Variants in NUP54 observed in about 807,000 individuals in gnomAD.
The protein encoded by NUP54 is nucleoporin p54.
NUP54 carries 27 observed loss-of-function variants against 66.4 expected under a neutral mutation model. That is an observed-to-expected ratio of 0.41 (90% confidence interval 0.30 to 0.56). The LOEUF (loss-of-function observed/expected upper bound fraction) is 0.56, where lower values mean the gene tolerates loss of function less well. NUP54 is among the 20% of genes least tolerant of loss of function. The pLI, the probability that NUP54 is intolerant of heterozygous loss-of-function variation, is 0.34. For synonymous variants in NUP54, 206 were observed against 210.7 expected, an observed-to-expected ratio of 0.98 and a Z score of 0.19; for missense variants, 486 against 596.3, an observed-to-expected ratio of 0.82 and a Z score of 1.93.
At chr4:76,128,583 A>G (rs796824759) in intron 8 of NUP54, among the ~76,000 whole-genome samples, 5 of 152,342 alleles carry the variant, frequency 3.3e-5, no homozygotes, top group African/African-American at 1.2e-4. Flanking sequence ...GGACAAAGGT[A>G]TGCCATACAA....
intron 8 of NUP54, among the ~76,000 whole-genome samples, chr4:76,129,680 ACG>A (rs1730695303): frequency 6.6e-6 from 1 of 151,976 alleles, no homozygotes. Context: ...CCTGGTTAAC[ACG>A]GTGAAACCCC....
intron 1 of NUP54, chr4:76,147,840 C>G (rs917667061): frequency 1.7e-5 from 6 of 343,906 alleles, no homozygotes; most frequent in South Asian, 1.5e-4. Context: ...AACCCCACAG[C>G]GAGGACCACA....
At chr4:76,145,153 C>T (rs893792920) in intron 1 of NUP54, among the ~76,000 whole-genome samples, 14 of 151,744 alleles carry the variant, frequency 9.2e-5, no homozygotes, top group South Asian at 4.2e-4. Flanking sequence ...CCCGTGTCTA[C>T]TAAAAATACA....
At chr4:76,125,119 G>A (rs368543474) in intron 8 of NUP54, among the ~76,000 whole-genome samples, 26 of 150,322 alleles carry the variant, frequency 1.7e-4, no homozygotes, top group Admixed American at 2.7e-4. Context: ...GTGAAACCCC[G>A]TCTCTACTAA....
At chr4:76,134,673 A>G (rs1294336508) in intron 4 of NUP54, among the ~76,000 whole-genome samples, 1 of 152,162 alleles carries the variant, frequency 6.6e-6, no homozygotes, top group African/African-American at 2.4e-5. Flanking sequence ...AACCATCTGC[A>G]TGTCATTATA....
At chr4:76,133,981 G>T (rs554498831) in intron 5 of NUP54, among the ~76,000 whole-genome samples, 194 bp downstream of exon 5, 81 of 152,078 alleles carry the variant, frequency 5.3e-4, no homozygotes, top group African/African-American at 1.9e-3. Context: ...TTAGCATCTA[G>T]TAAGTTAAAA....
In NUP54 at chr4:76,115,349, C is replaced by T. The variant is rs542856752; in HGVS notation, c.*17G>A. On this transcript the variant is annotated 3_prime_UTR_variant, in exon 12 of 12. Transcript: ENST00000264883. Reference sequence around the variant, plus strand: ...AGAAGATGCATTTCACAAACCTTTACACAAGTTTGTGAACTGTCAACTAAA... The same window carrying T: ...AGAAGATGCATTTCACAAACCTTTATACAAGTTTGTGAACTGTCAACTAAA... 5.7e-6 allele frequency: 9 copies of T among 1,567,950 alleles called. No homozygotes were observed. The Admixed American group carries it at 1.6e-4, about 27-fold the overall frequency.
intron 8 of NUP54, among the ~76,000 whole-genome samples, chr4:76,128,271 C>A (rs1426515644): frequency 6.6e-6 from 1 of 151,954 alleles, no homozygotes; most frequent in African/African-American, 2.4e-5. Flanking sequence ...CTGTAGTACT[C>A]CCCAACCAAG....
At chr4:76,143,576 C>T (rs901353634) in intron 3 of NUP54, among the ~76,000 whole-genome samples, 3 of 152,060 alleles carry the variant, frequency 2.0e-5, no homozygotes, top group Non-Finnish European at 4.4e-5. Flanking sequence ...TGCACTCCAG[C>T]CTGGGCGACA....
intron 3 of NUP54, among the ~76,000 whole-genome samples, chr4:76,140,453 T>G (rs1731222351): frequency 6.6e-6 from 1 of 151,900 alleles, no homozygotes; most frequent in African/African-American, 2.4e-5. Context: ...GCCCATCTAA[T>G]TTTTGTATTT....
chr4:76,126,439 T>C (rs1730542082), intron 8 of NUP54, among the ~76,000 whole-genome samples: 1 of 152,206 alleles, frequency 6.6e-6, no homozygotes, highest in Admixed American at 6.5e-5. Flanking sequence ...AACTTTCCAA[T>C]GCCAGGCCAT....
intron 8 of NUP54, among the ~76,000 whole-genome samples, chr4:76,129,287 T>C (rs536500673): frequency 4.6e-5 from 7 of 152,210 alleles, no homozygotes; most frequent in African/African-American, 1.7e-4. Context: ...GATATAATAA[T>C]AAAAGGTAAA....
In NUP54 at chr4:76,148,345, GC is replaced by G; in HGVS notation, c.29del (p.Gly10AlafsTer68). 3 of 1,547,890 alleles carry G rather than the reference GC, an allele frequency of 1.9e-6. No individual in the cohort carries two copies. The highest frequency in any genetic ancestry group is 2.5e-5 in the East Asian group (1 of 39,724). Reference protein sequence around the residue: MAFNFGAPSGTSGTAAATAA... With the variant: MAFNFGAPSXTSGTAAATAA... Reference sequence around the variant, plus strand: ...CGGTGGCTGCAGCGGTACCGGAGGTGCCCGAGGGAGCCCCAAAATTGAAGGC... The same window carrying G: ...CGGTGGCTGCAGCGGTACCGGAGGTGCCGAGGGAGCCCCAAAATTGAAGGC... On this transcript the variant is annotated frameshift_variant, in exon 1 of 12. Transcript: ENST00000264883. LOFTEE classifies it high-confidence loss of function.
intron 1 of NUP54, among the ~76,000 whole-genome samples, chr4:76,147,032 A>G (rs1297249395): frequency 6.6e-6 from 1 of 152,208 alleles, no homozygotes; most frequent in Non-Finnish European, 1.5e-5. Flanking sequence ...GTTAAAAAAC[A>G]AAACAGGTTA....
chr4:76,136,772 G>T (rs550819460), intron 3 of NUP54, among the ~76,000 whole-genome samples: 1 of 152,162 alleles, frequency 6.6e-6, no homozygotes, highest in Non-Finnish European at 1.5e-5. Context: ...ACTGGAAAAT[G>T]CAAGAGAATG....
At chr4:76,126,079 A>C (rs546232339) in intron 8 of NUP54, among the ~76,000 whole-genome samples, 1 of 152,284 alleles carries the variant, frequency 6.6e-6, no homozygotes, top group East Asian at 1.9e-4. Context: ...AGTACAGTAC[A>C]TTTCAACATT....
At chr4:76,148,183 A>T in intron 1 of NUP54, 125 bp downstream of exon 1, 1 of 780,086 alleles carries the variant, frequency 1.3e-6, no homozygotes, top group Non-Finnish European at 1.8e-6. Flanking sequence ...GCCCTTTTCC[A>T]ATGCCTCTAA....
At position 76,118,771 on chromosome 4, in the gene NUP54, A is replaced by G. The variant is rs1294516342; in HGVS notation, c.1165-577T>C. On this transcript the variant is annotated intron_variant, in intron 9 of 11. Transcript: ENST00000264883. ...TGTAATCCCAGCACTTTGGGAGGAC[A>G]AGGCGGGTGGATCAAGAGGTCAGGA... 5.3e-5 allele frequency among the ~76,000 whole-genome samples: 8 copies of G among 151,894 alleles called. No individual in the cohort carries two copies. In the East Asian group the frequency reaches 7.9e-4, roughly 15 times the overall value.
rs1730519570 is a variant in NUP54 at position 76,125,894 on chromosome 4, G to C, written c.1057-1138C>G. On this transcript the variant is annotated intron_variant, in intron 8 of 11. Transcript: ENST00000264883. Reference sequence around the variant, plus strand: ...AGAGAGAGACAGAGAGAGAGGGAGAGACCTATCTCAAAAGGAAAAAAAGAA... The same window carrying C: ...AGAGAGAGACAGAGAGAGAGGGAGACACCTATCTCAAAAGGAAAAAAAGAA... Among the ~76,000 whole-genome samples the C allele has an allele frequency of 2.7e-5, 4 of 149,696 alleles. No homozygotes were observed. In the South Asian group the frequency reaches 8.6e-4, roughly 32 times the overall value.
Sources: gnomAD v4.1 joint callset for allele counts (sites outside exome capture counted in the v4.1 genomes callset) on GRCh38, gnomAD v4.1.1 for gene constraint, MANE v1.5 for transcripts, NCBI Gene and HGNC (gene_info 2026-07-23, HGNC 2026-07-21) for gene names.